RCC1L: variants seen among roughly 807,000 people sequenced by gnomAD.
The protein encoded by RCC1L is RCC1 like, also known as RCC1-like G exchanging factor-like protein.
In RCC1L, 46 loss-of-function variants were observed where a neutral mutation model predicts 58.6. The ratio of observed to expected loss-of-function variants is 0.79; its 90% CI spans 0.62 to 1.00. RCC1L has a LOEUF of 1.00. RCC1L is among the 50% of genes least tolerant of loss of function. RCC1L has a pLI of 0.00. For missense variants in RCC1L, 636 were observed against 623.6 expected, an observed-to-expected ratio of 1.02 and a Z score of -0.21; for synonymous variants, 281 against 262.9, an observed-to-expected ratio of 1.07 and a Z score of -0.67.
At chr7:75,057,375 C>T (rs1414353454) in intron 8 of RCC1L, among the ~76,000 whole-genome samples, 154 bp downstream of exon 8, 6 of 152,082 alleles carry the variant, frequency 3.9e-5, no homozygotes, top group African/African-American at 1.4e-4. Flanking sequence ...CATCAGTTCC[C>T]CAAAGTGCTG....
In RCC1L at chr7:75,066,699, C is replaced by T. The variant is rs1554445181; in HGVS notation, c.548G>A (p.Arg183Gln). Residue 183 changes from arginine to glutamine, a missense_variant, in exon 3 of 11, where the codon CGA becomes CAA. Arg to Gln is a conservative substitution (Grantham distance 43). Coordinates refer to ENST00000610322, the MANE Select transcript of RCC1L (RefSeq NM_030798.5). ...ETRVLQVSCG[R>Q]AHSLVLTDRE... is the part of the protein sequence containing the mutation. ...GTCAGTCAACACAAGAGAGTGAGCT[C>T]GGCCGCAGGAGACCTGCAGCACCCG... 5.6e-6 allele frequency: 9 copies of T among 1,613,266 alleles called. No individual in the cohort carries two copies. Among genetic ancestry groups the T allele is most frequent in the South Asian group, 2.2e-5 (2 of 91,040 alleles).
chr7:75,027,875 C>T (rs1452012119), exon 11 of RCC1L: 17 of 840,822 alleles, frequency 2.0e-5, no homozygotes, highest in South Asian at 1.3e-4. Flanking sequence ...AGGCAGGGGC[C>T]GTCTGCCCTT....
At chr7:75,062,541 C>T (rs938828965) in intron 5 of RCC1L, among the ~76,000 whole-genome samples, 102 of 152,254 alleles carry the variant, frequency 6.7e-4, no homozygotes, top group Non-Finnish European at 1.1e-3. Context: ...AAAAGCCAGC[C>T]GTATCACAGT....
chr7:75,034,187 A>G (rs1300469911), intron 10 of RCC1L, among the ~76,000 whole-genome samples: 1 of 152,194 alleles, frequency 6.6e-6, no homozygotes, highest in Non-Finnish European at 1.5e-5. Flanking sequence ...AAAAAGCAAC[A>G]GGTCTGGATG....
At chr7:75,070,437 G>A (rs1806679537) in intron 2 of RCC1L, among the ~76,000 whole-genome samples, 1 of 152,070 alleles carries the variant, frequency 6.6e-6, no homozygotes, top group Admixed American at 6.6e-5. Context: ...CAGGCATGGT[G>A]GCATGTGCCT....
At chr7:75,064,812 C>T in intron 3 of RCC1L, 164 bp from the exon 4 acceptor site, 1 of 758,966 alleles carries the variant, frequency 1.3e-6, no homozygotes, top group Non-Finnish European at 2.3e-6. Flanking sequence ...TGCAGAAACT[C>T]ACAAGGGGCA....
intron 5 of RCC1L, among the ~76,000 whole-genome samples, chr7:75,062,237 G>A (rs1806299195): frequency 1.3e-5 from 1 of 79,384 alleles, no homozygotes; most frequent in Non-Finnish European, 2.4e-5. Flanking sequence ...AGGTGAAGGA[G>A]GCCTGACATG....
chr7:75,042,433 G>C lies in RCC1L; in HGVS notation c.*599C>G, dbSNP rs959329540. 1.0e-6 allele frequency: 1 copy of C among 986,532 alleles called. No individual in the cohort carries two copies. The highest frequency in any genetic ancestry group is 1.2e-6 in the Non-Finnish European group (1 of 830,672). 61.1% of individuals were successfully genotyped at this position (986,532 alleles called of 1,614,324 possible). A position where few individuals can be genotyped will look rare whatever the true frequency, so the allele number is the denominator to read the frequency against. ...AAGCCAGGCAGTGAGCGTGGTGGGA[G>C]GCTGGGGCTGGTGCCTGCGGACAGC... On this transcript the variant is annotated 3_prime_UTR_variant, in exon 11 of 11. Coordinates refer to ENST00000610322, the MANE Select transcript of RCC1L (RefSeq NM_030798.5).
At chr7:75,061,932 A>C (rs1806289401) in intron 5 of RCC1L, among the ~76,000 whole-genome samples, 1 of 152,230 alleles carries the variant, frequency 6.6e-6, no homozygotes, top group Non-Finnish European at 1.5e-5. Flanking sequence ...TCACTCCTGT[A>C]ATCCCAACAC....
At chr7:75,031,485 T>G (rs1805303996) in intron 10 of RCC1L, among the ~76,000 whole-genome samples, 1 of 151,874 alleles carries the variant, frequency 6.6e-6, no homozygotes, top group African/African-American at 2.4e-5. Flanking sequence ...AAAGACAGTA[T>G]ATTTTGTACT....
At chr7:75,048,455 A>G (rs966542804) in intron 10 of RCC1L, among the ~76,000 whole-genome samples, 8 of 152,272 alleles carry the variant, frequency 5.3e-5, no homozygotes, top group Admixed American at 6.5e-5. Context: ...ATTATACCCA[A>G]TGAGCTCAGG....
At chr7:75,036,139 A>ATT (rs1805426258) in intron 10 of RCC1L, among the ~76,000 whole-genome samples, 1 of 120,756 alleles carries the variant, frequency 8.3e-6, no homozygotes, top group Non-Finnish European at 1.7e-5. Context: ...TTTTTTTGAG[A>ATT]TGGAGTTTTG....
downstream of RCC1L, among the ~76,000 whole-genome samples, chr7:75,040,139 T>C (rs2131973316): frequency 6.6e-6 from 1 of 152,276 alleles, no homozygotes; most frequent in African/African-American, 2.4e-5. Context: ...TCCCTGCTTC[T>C]ACACTGCTTG....
intron 10 of RCC1L, among the ~76,000 whole-genome samples, chr7:75,046,518 G>A (rs1425592333): frequency 4.6e-5 from 7 of 152,306 alleles, no homozygotes; most frequent in South Asian, 2.1e-4. Flanking sequence ...GCAAGGGCCC[G>A]GCTCCTGGGA....
chr7:75,052,558 G>A, intron 10 of RCC1L, among the ~76,000 whole-genome samples, 153 bp downstream of exon 10: 1 of 152,220 alleles, frequency 6.6e-6, no homozygotes, highest in East Asian at 1.9e-4. Context: ...CAATGACATA[G>A]CATGCCGCGC....
At chr7:75,060,929 C>G (rs1375537187) in intron 6 of RCC1L, among the ~76,000 whole-genome samples, 1 of 151,952 alleles carries the variant, frequency 6.6e-6, no homozygotes, top group Non-Finnish European at 1.5e-5. Flanking sequence ...AAAAAATTAG[C>G]TGGGCTTGGT....
chr7:75,068,401 A>G lies in RCC1L; in HGVS notation c.455-1609T>C, dbSNP rs587687637. On this transcript the variant is annotated intron_variant, in intron 2 of 10. Transcript: ENST00000610322. ...CTGACTTATAAAAGACATCTGATATATAGGTCGGGCATGGTGGCTCACACC... is the reference window on the plus strand; with the variant it reads ...CTGACTTATAAAAGACATCTGATATGTAGGTCGGGCATGGTGGCTCACACC... Among the ~76,000 whole-genome samples the G allele has an allele frequency of 6.7e-5, 10 of 149,998 alleles. No homozygotes were observed. In the South Asian group the frequency reaches 1.3e-3, roughly 19 times the overall value.
intron 2 of RCC1L, among the ~76,000 whole-genome samples, chr7:75,068,993 C>T (rs927583836): frequency 6.6e-6 from 1 of 151,744 alleles, no homozygotes; most frequent in African/African-American, 2.4e-5. Context: ...CCCAGCCTCC[C>T]GAATAGCTGG....
chr7:75,030,275 G>A (rs1416240456), intron 10 of RCC1L, among the ~76,000 whole-genome samples: 10 of 152,372 alleles, frequency 6.6e-5, no homozygotes, highest in Admixed American at 5.2e-4. Context: ...GTGCGTGCAC[G>A]TGTGCAGAGC....
Sources: allele counts gnomAD v4.1 joint callset (sites outside exome capture counted in the v4.1 genomes callset), GRCh38; gene constraint gnomAD v4.1.1; transcripts MANE v1.5; gene names NCBI Gene and HGNC (gene_info 2026-07-23, HGNC 2026-07-21).